The following TCF7L1 variants were observed in gnomAD, a reference collection of about 807,000 sequenced individuals.
The protein encoded by TCF7L1 is transcription factor 7-like 1.
TCF7L1 carries 18 observed loss-of-function variants against 63.7 expected under a neutral mutation model. The ratio of observed to expected loss-of-function variants is 0.28; its 90% CI spans 0.20 to 0.42. The LOEUF (loss-of-function observed/expected upper bound fraction) is 0.42, where lower values mean the gene tolerates loss of function less well. Among genes scored for constraint, TCF7L1 ranks in the 10% least tolerant of loss-of-function variants. The pLI is 1.00. For missense variants in TCF7L1, 654 were observed against 779.3 expected (o/e 0.84, Z 1.91); for synonymous variants, 355 against 340.9 (o/e 1.04, Z -0.46).
At chr2:85,308,920 C>A in intron 11 of TCF7L1, 109 bp from the exon 12 acceptor site, 1 of 1,332,080 alleles carries the variant, frequency 7.5e-7, no homozygotes, top group Non-Finnish European at 1.0e-6. Context: ...CAGGTCCTCG[C>A]CAAAATCATC....
chr2:85,173,273 C>T (rs1678595896), intron 3 of TCF7L1, among the ~76,000 whole-genome samples: 1 of 152,136 alleles, frequency 6.6e-6, no homozygotes, highest in Middle Eastern at 3.4e-3. Context: ...CACAGACCTG[C>T]CCTTGCACAG....
chr2:85,192,660 C>T (rs1453373754), intron 3 of TCF7L1, among the ~76,000 whole-genome samples: 2 of 150,498 alleles, frequency 1.3e-5, no homozygotes, highest in African/African-American at 2.4e-5. Context: ...TGGGATTACA[C>T]GTGTGAGCCG....
intron 3 of TCF7L1, among the ~76,000 whole-genome samples, chr2:85,160,751 C>T (rs1678264729): frequency 6.6e-6 from 1 of 152,038 alleles, no homozygotes; most frequent in African/African-American, 2.4e-5. Flanking sequence ...ACTCAGGAGG[C>T]CGAGGTGGGA....
At chr2:85,137,457 G>C (rs907904750) in intron 3 of TCF7L1, among the ~76,000 whole-genome samples, 2 of 152,200 alleles carry the variant, frequency 1.3e-5, no homozygotes, top group African/African-American at 4.8e-5. Context: ...TTCTTGTCTG[G>C]AGGCCCTGGG....
intron 3 of TCF7L1, among the ~76,000 whole-genome samples, chr2:85,189,771 C>T (rs1367256659): frequency 1.3e-5 from 2 of 152,232 alleles, no homozygotes; most frequent in African/African-American, 4.8e-5. Flanking sequence ...CATTCATGCG[C>T]CTCCGAGACC....
At chr2:85,290,719 G>A (rs992381569) in intron 4 of TCF7L1, among the ~76,000 whole-genome samples, 12 of 152,252 alleles carry the variant, frequency 7.9e-5, no homozygotes, top group African/African-American at 2.9e-4. Context: ...GTGAGTGAGT[G>A]AGTGTGAATG....
At chr2:85,251,284 C>T (rs1680581396) in intron 3 of TCF7L1, among the ~76,000 whole-genome samples, 1 of 152,226 alleles carries the variant, frequency 6.6e-6, no homozygotes, top group Non-Finnish European at 1.5e-5. Context: ...GGGTAGGTCA[C>T]TGCCCTGCTT....
intron 3 of TCF7L1, among the ~76,000 whole-genome samples, chr2:85,197,699 G>A (rs1358906964): frequency 6.6e-6 from 1 of 152,202 alleles, no homozygotes; most frequent in African/African-American, 2.4e-5. Flanking sequence ...TTAGGATGCA[G>A]CAAAACACCT....
chr2:85,249,522 C>T (rs987309331), intron 3 of TCF7L1, among the ~76,000 whole-genome samples: 1 of 152,146 alleles, frequency 6.6e-6, no homozygotes, highest in African/African-American at 2.4e-5. Context: ...ATAAAGTGTA[C>T]CAGGCCAAGG....
At chr2:85,168,141 G>A (rs1223911525) in intron 3 of TCF7L1, among the ~76,000 whole-genome samples, 1 of 151,446 alleles carries the variant, frequency 6.6e-6, no homozygotes, top group Non-Finnish European at 1.5e-5. Context: ...TTAGAGTTGG[G>A]CACTTACAAC....
intron 3 of TCF7L1, among the ~76,000 whole-genome samples, chr2:85,214,429 C>G (rs998331169): frequency 6.6e-6 from 1 of 152,114 alleles, no homozygotes; most frequent in Admixed American, 6.5e-5. Flanking sequence ...TGTGTTATCT[C>G]GAGTTTTCGT....
intron 3 of TCF7L1, among the ~76,000 whole-genome samples, chr2:85,228,255 A>G (rs1389832135): frequency 6.6e-6 from 1 of 152,046 alleles, no homozygotes; most frequent in Non-Finnish European, 1.5e-5. Flanking sequence ...CCCAGTCTCT[A>G]CAAATAATTT....
At chr2:85,268,397 C>T (rs757893282) in intron 3 of TCF7L1, among the ~76,000 whole-genome samples, 4 of 151,616 alleles carry the variant, frequency 2.6e-5, no homozygotes, top group Non-Finnish European at 5.9e-5. Flanking sequence ...CTGCAATAGT[C>T]ATCAAGCACC....
intron 3 of TCF7L1, among the ~76,000 whole-genome samples, chr2:85,177,239 C>T (rs1161615721): frequency 2.6e-5 from 4 of 152,130 alleles, no homozygotes; most frequent in Non-Finnish European, 5.9e-5. Context: ...CATCAGGGCT[C>T]CACCCTCATG....
chr2:85,175,256 T>C (rs1029855225), intron 3 of TCF7L1, among the ~76,000 whole-genome samples: 2 of 152,218 alleles, frequency 1.3e-5, no homozygotes, highest in East Asian at 1.9e-4. Context: ...TGAAGCCTGC[T>C]TTACCACCCC....
At chr2:85,146,497 CTTTTTTTTTTTTTT>C (rs554058692) in intron 3 of TCF7L1, among the ~76,000 whole-genome samples, 1 of 103,612 alleles carries the variant, frequency 9.7e-6, no homozygotes, top group Non-Finnish European at 1.9e-5. Flanking sequence ...TTCTTTCTTT[CTTTTTTTTTTTTTT>C]TTTTTTTGAG....
At chr2:85,282,764 G>A (rs1681446662) in intron 3 of TCF7L1, among the ~76,000 whole-genome samples, 1 of 149,770 alleles carries the variant, frequency 6.7e-6, no homozygotes, top group Non-Finnish European at 1.5e-5. Flanking sequence ...CTCTTGGCAA[G>A]GACTGTGCCA....
At position 85,294,076 on chromosome 2, in the gene TCF7L1, G is replaced by A. The variant is rs1026447686; in HGVS notation, c.526-8408G>A. ...TTTTGAGATGGGGTCTCCCTCTGTC[G>A]CCCAGGCTGGAGTGCAGTGGCACGA... On this transcript the variant is annotated intron_variant, in intron 4 of 11. Transcript: ENST00000282111. 7.1e-5 allele frequency among the ~76,000 whole-genome samples: 7 copies of A among 98,634 alleles called. No individual in the cohort carries two copies. The East Asian group carries it at 9.4e-4, about 13-fold the overall frequency. The allele number at this position is 98,634 out of a possible 152,430, so 64.7% of individuals were successfully genotyped here.
At chr2:85,283,270 C>T (rs1243944486) in intron 3 of TCF7L1, among the ~76,000 whole-genome samples, 1 of 116,172 alleles carries the variant, frequency 8.6e-6, no homozygotes, top group African/African-American at 2.7e-5. Context: ...TCGTGTCCCC[C>T]CCCCCAAAAT....
Sources: allele counts gnomAD v4.1 joint callset (sites outside exome capture counted in the v4.1 genomes callset), GRCh38; gene constraint gnomAD v4.1.1; transcripts MANE v1.5; gene names NCBI Gene and HGNC (gene_info 2026-07-23, HGNC 2026-07-21).